MMEL1: variants seen among roughly 807,000 people sequenced by gnomAD.
The protein encoded by MMEL1 is membrane metalloendopeptidase like 1, also known as membrane metallo-endopeptidase-like 1.
A neutral mutation model predicts 117.1 loss-of-function variants in MMEL1; 98 were observed. The ratio of observed to expected loss-of-function variants is 0.84; its 90% CI spans 0.71 to 0.99. The LOEUF is 0.99. Among genes scored for constraint, MMEL1 ranks in the 50% least tolerant of loss-of-function variants. The pLI is 0.00. For missense variants in MMEL1, 1,014 were observed against 1,049.1 expected (o/e 0.97, Z 0.46); for synonymous variants, 390 against 415.1 (o/e 0.94, Z 0.74).
chr1:2,598,268 A>C lies in MMEL1; in HGVS notation c.1211T>G (p.Val404Gly). The change falls in exon 13 of 24, where the codon GTG becomes GGG. Residue 404 changes from valine (V) to glycine (G), a missense_variant. Transcript: ENST00000378412. ...GCTTAGGCTACCAATGCGGTCCAGC[A>C]CCAGGCGCCAGACCAGGTAGTTCTG... The part of the protein sequence containing the change: ...TIQNYLVWRL[V>G]LDRIGSLSQR... The C allele has an allele frequency of 6.2e-7, 1 of 1,614,106 alleles. No individual in the cohort carries two copies. Among genetic ancestry groups the C allele is most frequent in the Non-Finnish European group, 8.5e-7 (1 of 1,180,022 alleles).
rs200425860 is a variant in MMEL1 at position 2,629,379 on chromosome 1, C to T, written c.106G>A (p.Val36Met). ...CCCAAGGCCACCAGGGCAGCGGTCA[C>T]CAGCAGCAGCAGCAGCAGCAGCCCC... is the stretch of plus-strand genomic sequence containing the variant. ...EGGLLLLLLL[V>M]TAALVALGVL... The change falls in exon 2 of 24, where the codon GTG becomes ATG. Residue 36 changes from valine to methionine, a missense_variant. By Grantham distance (21) the Val-to-Met change is conservative (BLOSUM62 1). Coordinates refer to ENST00000378412, the MANE Select transcript of MMEL1 (RefSeq NM_033467.4). The T allele has an allele frequency of 2.3e-5, 36 of 1,536,256 alleles. No homozygotes were observed. The African/African-American group carries it at 4.8e-4, about 21-fold the overall frequency.
chr1:2,592,579 A>G (rs1490644827), intron 21 of MMEL1, 76 bp downstream of exon 21: 2 of 261,202 alleles, frequency 7.7e-6, no homozygotes, highest in Non-Finnish European at 9.3e-6. Context: ...CCCCTGATGC[A>G]CTGGCACCCC....
At chr1:2,605,767 A>G in intron 8 of MMEL1, 144 bp from the exon 9 acceptor site, 1 of 357,694 alleles carries the variant, frequency 2.8e-6, no homozygotes, top group Non-Finnish European at 5.3e-6. Context: ...CTTGTGCCGG[A>G]CCCGGGAGGC....
chr1:2,618,995 T>C (rs996523522), intron 2 of MMEL1, among the ~76,000 whole-genome samples: 4 of 152,176 alleles, frequency 2.6e-5, no homozygotes, highest in Non-Finnish European at 5.9e-5. Flanking sequence ...TTATTTTTTT[T>C]CTTCTATCTC....
In MMEL1 at chr1:2,629,500, C is replaced by T. The variant is rs116184589; in HGVS notation, c.-16G>A. The T allele has an allele frequency of 8.6e-4, 1,258 of 1,464,062 alleles. 6 individuals carry two copies. The African/African-American group carries it at 0.016, about 19-fold the overall frequency. 90.7% of individuals were successfully genotyped at this position (1,464,062 alleles called of 1,614,324 possible). On this transcript the variant is annotated 5_prime_UTR_variant, in exon 2 of 24. Coordinates refer to ENST00000378412, the MANE Select transcript of MMEL1 (RefSeq NM_033467.4). Reference sequence around the variant, plus strand: ...ACTTCCCCATCAGCAGGGCTCTGGACGGGAGAGCACCGCGGAGGAACCTGC... The same window carrying T: ...ACTTCCCCATCAGCAGGGCTCTGGATGGGAGAGCACCGCGGAGGAACCTGC...
intron 2 of MMEL1, among the ~76,000 whole-genome samples, chr1:2,628,050 T>A (rs1638351378): frequency 6.6e-6 from 1 of 151,906 alleles, no homozygotes; most frequent in African/African-American, 2.4e-5. Context: ...CAGCTGGGGG[T>A]GTGTGTGGGG....
intron 6 of MMEL1, among the ~76,000 whole-genome samples, chr1:2,608,696 T>C (rs997293954): frequency 4.6e-5 from 7 of 152,008 alleles, no homozygotes; most frequent in African/African-American, 1.5e-4. Flanking sequence ...CATACATGCA[T>C]GTGCACATAA....
In MMEL1 at chr1:2,605,313, T is replaced by C. The variant is rs576877508; in HGVS notation, c.816+245A>G. Among the ~76,000 whole-genome samples, 62 of 152,250 alleles carry C rather than the reference T, an allele frequency of 4.1e-4. 1 individual carries two copies. The highest frequency in any genetic ancestry group is 4.0e-3 in the Admixed American group (61 of 15,294). On this transcript the variant is annotated intron_variant, in intron 9 of 23. Coordinates refer to ENST00000378412, the MANE Select transcript of MMEL1 (RefSeq NM_033467.4). The stretch of plus-strand genomic sequence containing the variant: ...GGAGGGGGATGACAGTTCTGCCCCA[T>C]GGGGCTGCTGCTGAGCTGAGCTTGT...
At chr1:2,621,644 G>A (rs4648654) in intron 2 of MMEL1, among the ~76,000 whole-genome samples, 68,771 of 151,484 alleles carry the variant, frequency 0.45, 17,193 homozygotes, top group African/African-American at 0.67. Context: ...GCTCACTGCA[G>A]CCTCCGCCTC....
In MMEL1 at chr1:2,612,674, TCCCTAGC is replaced by T. The variant is rs1645148960; in HGVS notation, c.155-477_155-471del. ...GGTGGCTTCCCACTAATGACCCTTG[TCCCTAGC>T]CCCTCCACCCTCACTGCTGCTGAAG... is the stretch of plus-strand genomic sequence containing the variant. On this transcript the variant is annotated intron_variant, in intron 2 of 23. Transcript: ENST00000378412. This position sits in a 1 kb window ranked among gnomAD's most constrained non-coding sequence, Gnocchi z 5.4. Among the ~76,000 whole-genome samples, 1 of 151,938 alleles carries T rather than the reference TCCCTAGC, an allele frequency of 6.6e-6. No individual in the cohort carries two copies. The highest frequency in any genetic ancestry group is 2.4e-5 in the African/African-American group (1 of 41,326).
chr1:2,591,517 G>A (rs1644707373), intron 23 of MMEL1, 40 bp downstream of exon 23: 2 of 1,535,944 alleles, frequency 1.3e-6, no homozygotes, highest in Non-Finnish European at 9.0e-7. Context: ...GGGTGAGGGG[G>A]TTGTGGGTGG....
rs370948076 is a variant in MMEL1, at chr1:2,598,716, C to T, written c.1116G>A (p.Val372=). 6.2e-7 allele frequency: 1 copy of T among 1,614,136 alleles called. No homozygotes were observed. Among genetic ancestry groups the T allele is most frequent in the Middle Eastern group, 1.7e-4 (1 of 6,060 alleles). Residue 372 remains valine (V), a synonymous_variant, in exon 12 of 24, where the codon GTG becomes GTA. Transcript: ENST00000378412. ...VKIKLLPDEE[V]VVYGIPYLQN... ...GCAGGTAGGGGATGCCATAGACCAC[C>T]ACTTCCTCATCTGGCAGCAGCTTGA...
intron 1 of MMEL1, among the ~76,000 whole-genome samples, chr1:2,631,009 G>A (rs925623028): frequency 7.3e-5 from 11 of 150,960 alleles, no homozygotes; most frequent in South Asian, 4.2e-4. Flanking sequence ...GTGCGTGTGC[G>A]CTCATGTGCA....
chr1:2,617,100 T>A (rs1012769673), intron 2 of MMEL1, among the ~76,000 whole-genome samples: 17 of 152,284 alleles, frequency 1.1e-4, no homozygotes, highest in African/African-American at 3.9e-4. Flanking sequence ...CTGGCCAACA[T>A]GGCAAAACCC....
At chr1:2,602,164 C>CAGCCGCCCTCCA (rs57874001) in intron 11 of MMEL1, among the ~76,000 whole-genome samples, 1 of 145,412 alleles carries the variant, frequency 6.9e-6, no homozygotes, top group African/African-American at 2.6e-5. Context: ...CGTCAGGGAC[C>CAGCCGCCCTCCA]GGCCTCCCTC....
At chr1:2,594,291 C>T in intron 18 of MMEL1, 94 bp downstream of exon 18, 2 of 1,309,286 alleles carry the variant, frequency 1.5e-6, no homozygotes, top group Non-Finnish European at 1.1e-6. Flanking sequence ...GGCTGGGGTG[C>T]CCCCAGGAGG....
chr1:2,594,919 A>G (rs1163745029), intron 16 of MMEL1, 26 bp from the exon 17 acceptor site: 1 of 1,589,788 alleles, frequency 6.3e-7, no homozygotes, highest in Admixed American at 1.7e-5. Context: ...AGTCACTGCC[A>G]GATGCTGGGG....
chr1:2,611,513 G>C, intron 3 of MMEL1, 173 bp from the exon 4 acceptor site: 1 of 516,004 alleles, frequency 1.9e-6, no homozygotes. Flanking sequence ...GTAGGGCAAG[G>C]CCAGGGTAAC....
chr1:2,594,679 G>T, intron 17 of MMEL1, 111 bp downstream of exon 17: 1 of 996,654 alleles, frequency 1.0e-6, no homozygotes, highest in Non-Finnish European at 1.5e-6. Context: ...CCCTCAGCTG[G>T]CACTGGACCC....
Sources: allele counts gnomAD v4.1 joint callset (sites outside exome capture counted in the v4.1 genomes callset), GRCh38; gene constraint gnomAD v4.1.1; non-coding constraint Gnocchi (gnomAD v3.1); transcripts MANE v1.5; gene names NCBI Gene and HGNC (gene_info 2026-07-23, HGNC 2026-07-21).